NRG2: variants seen among roughly 807,000 people sequenced by gnomAD.
NRG2 encodes neuregulin 2, also known as pro-neuregulin-2, membrane-bound isoform.
NRG2 carries 27 observed loss-of-function variants against 73.9 expected under a neutral mutation model. The observed-to-expected ratio is 0.37, with a 90% CI of 0.27 to 0.50. NRG2 has a LOEUF of 0.50. Ranked by LOEUF, NRG2 falls within the 20% of genes least tolerant of loss-of-function variation. The probability of loss-of-function intolerance (pLI) is 0.96; values close to 1 mark genes in which losing one functional copy is unlikely to be tolerated. For synonymous variants in NRG2, 532 were observed against 541.0 expected (o/e 0.98, Z 0.23); for missense variants, 1,126 against 1,210.1 (o/e 0.93, Z 1.03).
rs1761100645 is a variant in NRG2, at chr5:139,847,982, G to C, written c.2488C>G (p.Arg830Gly). Residue 830 changes from arginine (R) to glycine (G), a missense_variant, in exon 10 of 10, where the codon CGG becomes GGG. Physicochemically the swap from Arg to Gly is moderately radical, Grantham distance 125 (BLOSUM62 -2). This residue lies in a region of NRG2 where 402 missense variants were observed against 357.8 expected (regional missense o/e 1.12). Coordinates refer to ENST00000361474, the MANE Select transcript of NRG2 (RefSeq NM_004883.3). ...TYYSLDSHST[R>G]ASSRHSRGPP... ...CCGCGGCTGTGTCTGCTGCTGGCCCGCGTGCTGTGGCTGTCCAGTGAGTAG... is the reference window on the plus strand; with the variant it reads ...CCGCGGCTGTGTCTGCTGCTGGCCCCCGTGCTGTGGCTGTCCAGTGAGTAG... 2.0e-6 allele frequency: 3 copies of C among 1,513,044 alleles called. No homozygotes were observed. The highest frequency in any genetic ancestry group is 2.6e-6 in the Non-Finnish European group (3 of 1,135,186). 93.7% of individuals were successfully genotyped at this position (1,513,044 alleles called of 1,614,324 possible).
At chr5:139,889,508 A>G (rs191497804) in intron 1 of NRG2, among the ~76,000 whole-genome samples, 1 of 152,270 alleles carries the variant, frequency 6.6e-6, no homozygotes, top group Non-Finnish European at 1.5e-5. Flanking sequence ...TTTTATGCAT[A>G]TACAAATCCC....
chr5:139,970,539 C>A (rs1755886179), intron 1 of NRG2, among the ~76,000 whole-genome samples: 1 of 152,242 alleles, frequency 6.6e-6, no homozygotes, highest in Non-Finnish European at 1.5e-5. Context: ...CTCTGACCCT[C>A]TGTGTCCACC....
Position 139,954,484 on chromosome 5 carries a change from C to T in NRG2, c.701-66973G>A, listed in dbSNP as rs1481648077. ...CCATCACACCATGGCCAAATTCATCCCACCACCCACTCTCCTGCTGAGGAA... is the reference window on the plus strand; with the variant it reads ...CCATCACACCATGGCCAAATTCATCTCACCACCCACTCTCCTGCTGAGGAA... On this transcript the variant is annotated intron_variant, in intron 1 of 9. Transcript: ENST00000361474. This position sits in a 1 kb window ranked among gnomAD's most constrained non-coding sequence, Gnocchi z 5.0. Among the ~76,000 whole-genome samples, 3 of 152,324 alleles carry T rather than the reference C, an allele frequency of 2.0e-5. No homozygotes were observed. In the East Asian group the frequency reaches 5.8e-4, roughly 29 times the overall value.
Position 139,847,990 on chromosome 5 carries a change from T to C in NRG2, c.2480A>G (p.His827Arg), listed in dbSNP as rs1761101292. The C allele has an allele frequency of 1.3e-6, 2 of 1,514,366 alleles. No homozygotes were observed. The highest frequency in any genetic ancestry group is 1.8e-6 in the Non-Finnish European group (2 of 1,135,754). 93.8% of individuals were successfully genotyped at this position (1,514,366 alleles called of 1,614,324 possible). A position where few individuals can be genotyped will look rare whatever the true frequency, so the allele number is the denominator to read the frequency against. The part of the protein sequence containing the change: ...DSRTYYSLDS[H>R]STRASSRHSR... ...GTGTCTGCTGCTGGCCCGCGTGCTG[T>C]GGCTGTCCAGTGAGTAGTAAGTCCT... The change falls in exon 10 of 10, where the codon CAC becomes CGC. Residue 827 changes from histidine (H) to arginine (R), a missense_variant. By Grantham distance (29) the His-to-Arg change is conservative. Coordinates refer to ENST00000361474, the MANE Select transcript of NRG2 (RefSeq NM_004883.3).
Position 139,887,232 on chromosome 5 carries a change from TG to T in NRG2, c.872+107del, listed in dbSNP as rs34082712. 3.8e-6 allele frequency: 5 copies of T among 1,309,096 alleles called. No individual in the cohort carries two copies. In the East Asian group the frequency reaches 9.3e-5, roughly 24 times the overall value. 81.1% of individuals were successfully genotyped at this position (1,309,096 alleles called of 1,614,324 possible). A position where few individuals can be genotyped will look rare whatever the true frequency, so the allele number is the denominator to read the frequency against. The stretch of plus-strand genomic sequence containing the variant: ...TGGAGAGGGGCTGGGACTGGTTCCA[TG>T]GGTGAGTCTGGGGGCACAGCCCTGG... On this transcript the variant is annotated intron_variant, in intron 2 of 9. Coordinates refer to ENST00000361474, the MANE Select transcript of NRG2 (RefSeq NM_004883.3). This position sits in a 1 kb window ranked among gnomAD's most constrained non-coding sequence, Gnocchi z 4.5.
At chr5:139,881,849 C>T (rs1465723601) in intron 2 of NRG2, among the ~76,000 whole-genome samples, 1 of 152,130 alleles carries the variant, frequency 6.6e-6, no homozygotes, top group Non-Finnish European at 1.5e-5. Flanking sequence ...TGGCCTTGGT[C>T]CCCCTCTTCT....
intron 3 of NRG2, among the ~76,000 whole-genome samples, chr5:139,873,411 C>G (rs1441936279): frequency 6.6e-6 from 1 of 152,234 alleles, no homozygotes; most frequent in African/African-American, 2.4e-5. Flanking sequence ...CCACGCCTGC[C>G]ACTTGTAAAA....
At chr5:139,863,155 A>G (rs1216143611) in intron 5 of NRG2, among the ~76,000 whole-genome samples, 1 of 152,216 alleles carries the variant, frequency 6.6e-6, no homozygotes, top group African/African-American at 2.4e-5. Context: ...CATAAATGTC[A>G]TCATCCCCAT....
At chr5:139,929,933 A>G (rs57395143) in intron 1 of NRG2, among the ~76,000 whole-genome samples, 23,296 of 152,206 alleles carry the variant, frequency 0.15, 1,994 homozygotes, top group South Asian at 0.25. Flanking sequence ...ATAGGATAGC[A>G]TCCCCCAAAG....
rs978882177 is a variant in NRG2, at chr5:139,865,618, T to G, written c.1120A>C (p.Asn374His). The change falls in exon 5 of 10, where the codon AAT becomes CAT. Residue 374 changes from asparagine to histidine, a missense_variant. By Grantham distance (68) the Asn-to-His change is moderately conservative. Coordinates refer to ENST00000361474, the MANE Select transcript of NRG2 (RefSeq NM_004883.3). This position sits in a 1 kb window ranked among gnomAD's most constrained non-coding sequence, Gnocchi z 5.2. ...GINQLSCKCP[N>H]GFFGQRCLEK... ...AAACATCTCTGTCCGAAGAATCCAT[T>G]TGGACATCTGGAGAAGGAAAAGGGG... 2 of 1,608,798 alleles carry G rather than the reference T, an allele frequency of 1.2e-6. No homozygotes were observed. Among genetic ancestry groups the G allele is most frequent in the African/African-American group, 2.7e-5 (2 of 74,518 alleles).
intron 5 of NRG2, among the ~76,000 whole-genome samples, chr5:139,862,587 G>A (rs1762225346): frequency 6.6e-6 from 1 of 152,248 alleles, no homozygotes; most frequent in African/African-American, 2.4e-5. Context: ...TCTTCATCCT[G>A]GACATGTCCC....
intron 1 of NRG2, among the ~76,000 whole-genome samples, chr5:139,985,356 A>G (rs576789704): frequency 2.0e-5 from 3 of 151,570 alleles, no homozygotes; most frequent in African/African-American, 7.3e-5. Flanking sequence ...AAAAAAAAAA[A>G]GTATTTCATT....
intron 1 of NRG2, among the ~76,000 whole-genome samples, chr5:139,943,291 C>T (rs963990974): frequency 1.1e-4 from 16 of 152,028 alleles, no homozygotes; most frequent in Admixed American, 6.6e-4. Flanking sequence ...AGATTACAGG[C>T]GCGTACCACC....
Position 139,856,435 on chromosome 5 carries a change from CTT to C in NRG2, c.1190-659_1190-658del, listed in dbSNP as rs770435045. 7.2e-5 allele frequency: 11 copies of C among 153,170 alleles called. No individual in the cohort carries two copies. The highest frequency in any genetic ancestry group is 2.7e-4 in the African/African-American group (11 of 41,476). The allele number at this position is 153,170 out of a possible 1,614,324, so 9.5% of individuals were successfully genotyped here. ...AGCCCTCCCAAAGGCCGACTGTCCTCTTTACCCTCTGCTGCTGCTGCTGGGGC... is the reference window on the plus strand; with the variant it reads ...AGCCCTCCCAAAGGCCGACTGTCCTCTACCCTCTGCTGCTGCTGCTGGGGC... On this transcript the variant is annotated intron_variant, in intron 5 of 9. Coordinates refer to ENST00000361474, the MANE Select transcript of NRG2 (RefSeq NM_004883.3). This position sits in a 1 kb window ranked among gnomAD's most constrained non-coding sequence, Gnocchi z 4.2.
At chr5:139,997,201 C>T (rs1247415580) in intron 1 of NRG2, among the ~76,000 whole-genome samples, 1 of 152,104 alleles carries the variant, frequency 6.6e-6, no homozygotes, top group Non-Finnish European at 1.5e-5. Context: ...TTGAGGGGAA[C>T]ATGGAGGAGA....
At chr5:140,010,348 A>G (rs1219000778) in intron 1 of NRG2, among the ~76,000 whole-genome samples, 3 of 152,222 alleles carry the variant, frequency 2.0e-5, no homozygotes, top group African/African-American at 7.2e-5. Flanking sequence ...ACATGTTCTC[A>G]TACACTTGTC....
At chr5:139,848,833 G>T in intron 9 of NRG2, 136 bp from the exon 10 acceptor site, 1 of 790,614 alleles carries the variant, frequency 1.3e-6, no homozygotes, top group Non-Finnish European at 1.9e-6. Context: ...CTGCAAGAAT[G>T]ACGGCAGCAA....
chr5:139,958,247 A>C, intron 1 of NRG2, among the ~76,000 whole-genome samples: 1 of 152,062 alleles, frequency 6.6e-6, no homozygotes, highest in Non-Finnish European at 1.5e-5. Context: ...CCTTGCTCTC[A>C]GTTCATTCTC....
intron 1 of NRG2, among the ~76,000 whole-genome samples, chr5:140,037,737 G>A (rs558119997): frequency 4.6e-5 from 7 of 151,946 alleles, no homozygotes; most frequent in Admixed American, 6.6e-5. Context: ...GTGAAAACCC[G>A]TCTCTACTAA....
Sources: allele counts gnomAD v4.1 joint callset (sites outside exome capture counted in the v4.1 genomes callset), GRCh38; gene constraint gnomAD v4.1.1; regional missense constraint gnomAD v4.1.1; non-coding constraint Gnocchi (gnomAD v3.1); transcripts MANE v1.5; gene names NCBI Gene and HGNC (gene_info 2026-07-23, HGNC 2026-07-21).